LY6S: variants seen among roughly 807,000 people sequenced by gnomAD.
The protein encoded by LY6S is lymphocyte antigen 6S.
chr8:143,049,099 C>G, the LY6S span: 1 of 518,512 alleles, frequency 1.9e-6, no homozygotes, highest in African/African-American at 1.9e-5. Flanking sequence ...CCTCCTAGCG[C>G]CCTGATTTCA....
At chr8:143,066,524 G>A in the LY6S span, 8 of 282,400 alleles carry the variant, frequency 2.8e-5, no homozygotes, top group South Asian at 4.3e-5. Flanking sequence ...TTCGTGCAGC[G>A]AATCGGCTGC....
At chr8:143,054,320 A>AT in the LY6S span, 1 of 150,516 alleles carries the variant, frequency 6.6e-6, no homozygotes, top group Admixed American at 6.6e-5. Flanking sequence ...AAAAAAAAAA[A>AT]AAAAAAGAGA....
At chr8:143,056,362 C>T in the LY6S span, among the ~76,000 whole-genome samples, 1 of 151,152 alleles carries the variant, frequency 6.6e-6, no homozygotes, top group Non-Finnish European at 1.5e-5. Context: ...AATCATAACC[C>T]CGAATATATA....
At chr8:143,052,327 A>T in the LY6S span, among the ~76,000 whole-genome samples, 56 of 152,318 alleles carry the variant, frequency 3.7e-4, no homozygotes, top group Non-Finnish European at 6.6e-4. Context: ...GCAGGACACC[A>T]TGACCACCTG....
At chr8:143,065,727 T>C in the LY6S span, among the ~76,000 whole-genome samples, 1 of 135,248 alleles carries the variant, frequency 7.4e-6, no homozygotes, top group Admixed American at 7.3e-5. Context: ...CGGTTGTCCC[T>C]TTCTTTCTCT....
the LY6S span, among the ~76,000 whole-genome samples, chr8:143,072,652 G>A: frequency 1.5e-5 from 2 of 134,914 alleles, no homozygotes; most frequent in African/African-American, 2.8e-5. Context: ...CGTCGTCCTC[G>A]GGGTCCCTGT....
chr8:143,043,027 C>G, the LY6S span: 3 of 1,367,866 alleles, frequency 2.2e-6, no homozygotes, highest in Non-Finnish European at 2.9e-6. Flanking sequence ...CACCAGAATT[C>G]CTGCAATTCA....
chr8:143,045,165 C>T, the LY6S span, among the ~76,000 whole-genome samples: 1 of 152,168 alleles, frequency 6.6e-6, no homozygotes, highest in Non-Finnish European at 1.5e-5. This position sits in a 1 kb window ranked among gnomAD's most constrained non-coding sequence, Gnocchi z 5.3. Context: ...CACCGAAGCC[C>T]GCCACCCCCA....
chr8:143,062,747 G>A, the LY6S span, among the ~76,000 whole-genome samples: 1 of 152,154 alleles, frequency 6.6e-6, no homozygotes, highest in African/African-American at 2.4e-5. Context: ...TCTGTTGGAA[G>A]AGTTAATACT....
chr8:143,062,666 C>T, the LY6S span, among the ~76,000 whole-genome samples: 1 of 152,182 alleles, frequency 6.6e-6, no homozygotes, highest in South Asian at 2.1e-4. Context: ...GAGTGAGACT[C>T]CATCTCAAAG....
the LY6S span, chr8:143,065,813 T>TTCTC: frequency 6.9e-6 from 1 of 144,042 alleles, no homozygotes; most frequent in Admixed American, 6.9e-5. Context: ...CTTTCTTTCT[T>TTCTC]TCTTTCTTTC....
At chr8:143,055,410 G>A in the LY6S span, among the ~76,000 whole-genome samples, 1 of 152,110 alleles carries the variant, frequency 6.6e-6, no homozygotes, top group East Asian at 1.9e-4. Flanking sequence ...GAATCCATAA[G>A]TTTGGCAGTT....
chr8:143,048,674 T>G, the LY6S span, among the ~76,000 whole-genome samples: 1 of 152,072 alleles, frequency 6.6e-6, no homozygotes, highest in Admixed American at 6.5e-5. Flanking sequence ...TTCACCATGT[T>G]GGCCAGGCTG....
chr8:143,045,217 A>C, the LY6S span, among the ~76,000 whole-genome samples: 1 of 152,158 alleles, frequency 6.6e-6, no homozygotes, highest in Non-Finnish European at 1.5e-5. The surrounding 1 kb of genome is among the most constrained non-coding windows in gnomAD (Gnocchi z 5.3). Context: ...AACTAGTTCC[A>C]GCACACACGG....
the LY6S span, among the ~76,000 whole-genome samples, chr8:143,061,834 A>G: frequency 6.6e-6 from 1 of 152,324 alleles, no homozygotes; most frequent in East Asian, 1.9e-4. Flanking sequence ...GTGAGTCACC[A>G]CACCTGGCCA....
the LY6S span, among the ~76,000 whole-genome samples, chr8:143,045,036 A>T: frequency 6.6e-6 from 1 of 152,146 alleles, no homozygotes; most frequent in African/African-American, 2.4e-5. This position sits in a 1 kb window ranked among gnomAD's most constrained non-coding sequence, Gnocchi z 5.3. Flanking sequence ...CCACTGCCCA[A>T]TGCCAAAGGC....
chr8:143,057,395 G>A, the LY6S span, among the ~76,000 whole-genome samples: 1 of 152,044 alleles, frequency 6.6e-6, no homozygotes, highest in African/African-American at 2.4e-5. Flanking sequence ...GACTACAGGC[G>A]CCTGCCACCA....
chr8:143,067,299 A>G, the LY6S span, among the ~76,000 whole-genome samples: 2 of 152,206 alleles, frequency 1.3e-5, no homozygotes, highest in African/African-American at 4.8e-5. Flanking sequence ...TTTAGCCCCA[A>G]CCCTGTGCTC....
chr8:143,072,277 C>CCTGTTTGAGGAGACAGCCGTCGTCCCT, the LY6S span, among the ~76,000 whole-genome samples: 1 of 91,732 alleles, frequency 1.1e-5, no homozygotes, highest in South Asian at 4.1e-4. Context: ...CCGTCGTCCC[C>CCTGTTTGAGGAGACAGCCGTCGTCCCT]GGGGTTCCTG....
Sources: gnomAD v4.1 joint callset for allele counts (sites outside exome capture counted in the v4.1 genomes callset) on GRCh38, gnomAD v4.1.1 for gene constraint, Gnocchi (gnomAD v3.1) non-coding constraint, MANE v1.5 for transcripts, NCBI Gene and HGNC (gene_info 2026-07-23, HGNC 2026-07-21) for gene names.